ATP1B1: variants seen among roughly 807,000 people sequenced by gnomAD.
ATP1B1 encodes sodium/potassium-transporting ATPase subunit beta-1.
Under a neutral mutation model 39.6 loss-of-function variants are expected in ATP1B1, and 3 were observed. The ratio of observed to expected loss-of-function variants is 0.08; its 90% CI spans 0.03 to 0.20. The LOEUF (loss-of-function observed/expected upper bound fraction) is 0.20, where lower values mean the gene tolerates loss of function less well. Ranked by LOEUF, ATP1B1 falls within the 10% of genes least tolerant of loss-of-function variation. The probability of loss-of-function intolerance (pLI) is 1.00; values close to 1 mark genes in which losing one functional copy is unlikely to be tolerated. For synonymous variants in ATP1B1, 139 were observed against 135.0 expected, an observed-to-expected ratio of 1.03 and a Z score of -0.20; for missense variants, 216 against 371.1, an observed-to-expected ratio of 0.58 and a Z score of 3.43.
intron 2 of ATP1B1, among the ~76,000 whole-genome samples, chr1:169,116,775 C>T (rs2143289): frequency 0.097 from 14,725 of 151,758 alleles, 888 homozygotes; most frequent in East Asian, 0.16. Context: ...CACTTGAACC[C>T]GGAAGGCAGA....
chr1:169,130,062 A>G lies in ATP1B1; in HGVS notation c.620A>G (p.Asn207Ser). ...ETYPVMKYNPNVLPVQCTGKR... is the reference protein window; with the variant it reads ...ETYPVMKYNPSVLPVQCTGKR... Reference sequence around the variant, plus strand: ...TACCCAGTGATGAAGTATAACCCAAATGTCCTTCCCGTTCAGTGCACTGGC... The same window carrying G: ...TACCCAGTGATGAAGTATAACCCAAGTGTCCTTCCCGTTCAGTGCACTGGC... Residue 207 changes from asparagine (N) to serine (S), a missense_variant, in exon 5 of 6, where the codon AAT (asparagine) becomes AGT (serine). Coordinates refer to ENST00000367815, the MANE Select transcript of ATP1B1 (RefSeq NM_001677.4). 1 of 1,614,100 alleles carries G rather than the reference A, an allele frequency of 6.2e-7. No individual in the cohort carries two copies. Among genetic ancestry groups the G allele is most frequent in the Non-Finnish European group, 8.5e-7 (1 of 1,179,980 alleles).
chr1:169,123,190 T>C (rs2101787635), intron 2 of ATP1B1, among the ~76,000 whole-genome samples: 1 of 152,350 alleles, frequency 6.6e-6, no homozygotes, highest in African/African-American at 2.4e-5. Flanking sequence ...TCTTCATATC[T>C]GAGTCACTGT....
chr1:169,112,135 T>C (rs1196090177), intron 2 of ATP1B1, among the ~76,000 whole-genome samples: 3 of 152,260 alleles, frequency 2.0e-5, no homozygotes, highest in Non-Finnish European at 4.4e-5. Context: ...ATTTGCCAGC[T>C]TTCTGGTCCC....
chr1:169,124,288 T>C (rs907908117), intron 2 of ATP1B1, among the ~76,000 whole-genome samples: 2 of 152,242 alleles, frequency 1.3e-5, no homozygotes, highest in African/African-American at 4.8e-5. Flanking sequence ...TTGTGGTTAC[T>C]GCATGTATGT....
chr1:169,111,572 C>T, intron 2 of ATP1B1, 74 bp downstream of exon 2: 1 of 1,556,604 alleles, frequency 6.4e-7, no homozygotes, highest in East Asian at 2.3e-5. Flanking sequence ...AGAAAAAATT[C>T]TTTGGAAAAT....
chr1:169,107,014 C>A, intron 1 of ATP1B1, 88 bp downstream of exon 1: 1 of 1,293,416 alleles, frequency 7.7e-7, no homozygotes, highest in Non-Finnish European at 1.1e-6. Context: ...GCCGGTTCCG[C>A]ACCCACCGCG....
At chr1:169,109,699 AG>A (rs1657686362) in intron 1 of ATP1B1, among the ~76,000 whole-genome samples, 1 of 147,374 alleles carries the variant, frequency 6.8e-6, no homozygotes, top group Non-Finnish European at 1.5e-5. Flanking sequence ...TCTGGAGTCC[AG>A]GGAATGAGTA....
chr1:169,121,106 C>T (rs1657973070), intron 2 of ATP1B1, among the ~76,000 whole-genome samples: 1 of 152,038 alleles, frequency 6.6e-6, no homozygotes, highest in South Asian at 2.1e-4. Flanking sequence ...TGCTACTATG[C>T]CTGGCTAATT....
At chr1:169,125,852 G>C (rs1001170063) in intron 3 of ATP1B1, among the ~76,000 whole-genome samples, 5 of 152,110 alleles carry the variant, frequency 3.3e-5, no homozygotes, top group African/African-American at 9.7e-5. Flanking sequence ...TTGTGTGCCC[G>C]TGGTCCCAGC....
intron 3 of ATP1B1, 82 bp from the exon 4 acceptor site, chr1:169,127,142 A>G (rs1285232559): frequency 5.0e-6 from 7 of 1,411,854 alleles, no homozygotes; most frequent in Non-Finnish European, 5.6e-6. Context: ...ATAGGTAACT[A>G]TGACAAGGAA....
intron 2 of ATP1B1, among the ~76,000 whole-genome samples, chr1:169,115,238 A>T (rs1312858470): frequency 6.6e-6 from 1 of 151,604 alleles, no homozygotes; most frequent in East Asian, 1.9e-4. Context: ...GCTCTGTGAG[A>T]ACTAAATGAG....
At chr1:169,125,839 G>T (rs1270227626) in intron 3 of ATP1B1, among the ~76,000 whole-genome samples, 3 of 152,100 alleles carry the variant, frequency 2.0e-5, no homozygotes, top group Non-Finnish European at 2.9e-5. Flanking sequence ...GCTGGGTGTG[G>T]TGTTGTGTGC....
chr1:169,111,261 C>T, intron 1 of ATP1B1, 109 bp from the exon 2 acceptor site: 1 of 1,459,306 alleles, frequency 6.9e-7, no homozygotes, highest in Non-Finnish European at 9.3e-7. Context: ...AGGAAGAAAT[C>T]ATGGGACCGG....
At chr1:169,127,563 C>T (rs1007036354) in intron 4 of ATP1B1, among the ~76,000 whole-genome samples, 155 bp downstream of exon 4, 1 of 152,160 alleles carries the variant, frequency 6.6e-6, no homozygotes, top group Non-Finnish European at 1.5e-5. Flanking sequence ...TGTATCCACC[C>T]TGCAATTCTT....
chr1:169,132,359 A>G lies in ATP1B1; in HGVS notation c.*804A>G, dbSNP rs1428499665. The G allele has an allele frequency of 2.1e-6, 1 of 465,960 alleles. No homozygotes were observed. The highest frequency in any genetic ancestry group is 2.0e-5 in the African/African-American group (1 of 48,906). 28.9% of individuals were successfully genotyped at this position (465,960 alleles called of 1,614,324 possible). On this transcript the variant is annotated 3_prime_UTR_variant, in exon 6 of 6. Coordinates refer to ENST00000367815, the MANE Select transcript of ATP1B1 (RefSeq NM_001677.4). ...GACAGGGCTAATTAATTTGCTTTAT[A>G]CATTTTCTTTTACTTTCCTTTTTTC... is the stretch of plus-strand genomic sequence containing the variant.
In ATP1B1 at chr1:169,131,918, A is replaced by G. The variant is rs1470486121; in HGVS notation, c.*363A>G. On this transcript the variant is annotated 3_prime_UTR_variant, in exon 6 of 6. Transcript: ENST00000367815. The surrounding 1 kb of genome is among the most constrained non-coding windows in gnomAD (Gnocchi z 4.4). ...AGTACTACAGGTGCATACTCTGGTC[A>G]TTTTTCAAGCCATGTTTTATTGTAT... The G allele has an allele frequency of 1.2e-5, 4 of 327,708 alleles. No homozygotes were observed. The highest frequency in any genetic ancestry group is 1.7e-5 in the Non-Finnish European group (3 of 177,364). 20.3% of individuals were successfully genotyped at this position (327,708 alleles called of 1,614,324 possible).
At chr1:169,122,770 T>TTTTTG (rs71121722) in intron 2 of ATP1B1, among the ~76,000 whole-genome samples, 1 of 101,284 alleles carries the variant, frequency 9.9e-6, no homozygotes, top group Non-Finnish European at 2.1e-5. Flanking sequence ...TTTTTTTTTT[T>TTTTTG]AATTGCGATA....
Position 169,132,095 on chromosome 1 carries a change from T to TCAG in ATP1B1, c.*541_*542insAGC. On this transcript the variant is annotated 3_prime_UTR_variant, in exon 6 of 6. Transcript: ENST00000367815. ...CCATCGATGAGCATTTTTAACATAC[T>TCAG]CCATAGTCTTTTCCTGTGGTGTTAG... 2.4e-6 allele frequency: 1 copy of TCAG among 416,010 alleles called. No homozygotes were observed. The highest frequency in any genetic ancestry group is 2.3e-5 in the African/African-American group (1 of 44,070). 25.8% of individuals were successfully genotyped at this position (416,010 alleles called of 1,614,324 possible). A position where few individuals can be genotyped will look rare whatever the true frequency, so the allele number is the denominator to read the frequency against.
intron 2 of ATP1B1, among the ~76,000 whole-genome samples, chr1:169,119,443 A>G (rs954201584): frequency 1.3e-5 from 2 of 152,204 alleles, no homozygotes; most frequent in Non-Finnish European, 2.9e-5. Context: ...CGTGCCAGCG[A>G]TTGGGTGTTC....
Sources: gnomAD v4.1 joint callset for allele counts (sites outside exome capture counted in the v4.1 genomes callset) on GRCh38, gnomAD v4.1.1 for gene constraint, Gnocchi (gnomAD v3.1) non-coding constraint, MANE v1.5 for transcripts, NCBI Gene and HGNC (gene_info 2026-07-23, HGNC 2026-07-21) for gene names.